ZNF664: variants seen among roughly 807,000 people sequenced by gnomAD.
ZNF664 encodes the protein zinc finger protein 664, also known as zinc finger Organ of Corti 1.
A neutral mutation model predicts 18.2 loss-of-function variants in ZNF664; 10 were observed. The observed-to-expected ratio is 0.55, with a 90% CI of 0.34 to 0.93. ZNF664 has a LOEUF of 0.93. Among genes scored for constraint, ZNF664 ranks in the 40% least tolerant of loss-of-function variants. The pLI is 0.02. For synonymous variants in ZNF664, 119 were observed against 104.2 expected, an observed-to-expected ratio of 1.14 and a Z score of -0.86; for missense variants, 193 against 319.0, an observed-to-expected ratio of 0.61 and a Z score of 3.01.
rs563691168 is a variant in ZNF664, at chr12:124,010,134, A to G, written c.-660-1247A>G. Among the ~76,000 whole-genome samples, 4 of 152,356 alleles carry G rather than the reference A, an allele frequency of 2.6e-5. No individual in the cohort carries two copies. The South Asian group carries it at 8.3e-4, about 32-fold the overall frequency. ...ATATTCTAGAATTATTACTAGGACAAAGGATAGATGCAAACATAATTTTTG... is the reference window on the plus strand; with the variant it reads ...ATATTCTAGAATTATTACTAGGACAGAGGATAGATGCAAACATAATTTTTG... On this transcript the variant is annotated intron_variant, in intron 3 of 4. Transcript: ENST00000337815.
intron 3 of ZNF664, among the ~76,000 whole-genome samples, chr12:124,009,668 TTTTAATTTAA>T (rs908194347): frequency 6.6e-6 from 1 of 151,780 alleles, no homozygotes; most frequent in Non-Finnish European, 1.5e-5. Flanking sequence ...CTGGCTAACT[TTTTAATTTAA>T]TTTAATTTAA....
At chr12:124,010,529 G>A (rs1957123655) in intron 3 of ZNF664, among the ~76,000 whole-genome samples, 1 of 152,144 alleles carries the variant, frequency 6.6e-6, no homozygotes, top group Non-Finnish European at 1.5e-5. Flanking sequence ...CTGGAAATAA[G>A]GCACTAAGAA....
At chr12:123,980,664 G>T (rs1956753707) in intron 2 of ZNF664, among the ~76,000 whole-genome samples, 1 of 151,996 alleles carries the variant, frequency 6.6e-6, no homozygotes, top group African/African-American at 2.4e-5. Context: ...AGGAAATCAG[G>T]ATACACAATT....
At chr12:123,977,709 A>G (rs1358758773) in intron 2 of ZNF664, among the ~76,000 whole-genome samples, 1 of 152,198 alleles carries the variant, frequency 6.6e-6, no homozygotes, top group African/African-American at 2.4e-5. Context: ...ATGAGTAATG[A>G]GGTGAGACAA....
At position 123,973,904 on chromosome 12, in the gene ZNF664, G is replaced by A; in HGVS notation, c.-873G>A. The A allele has an allele frequency of 8.1e-7, 1 of 1,231,896 alleles. No homozygotes were observed. The allele number at this position is 1,231,896 out of a possible 1,614,324, so 76.3% of individuals were successfully genotyped here. ...TTTTCAGGGCGCCCTGCGTCCGGCA[G>A]AGGAGGCGAGCATCCCGCTCAGGTG... On this transcript the variant is annotated 5_prime_UTR_variant, in exon 2 of 5. Coordinates refer to ENST00000337815, the MANE Select transcript of ZNF664 (RefSeq NM_152437.3).
At position 123,974,007 on chromosome 12, in the gene ZNF664, G is replaced by A. The variant is rs114888463; in HGVS notation, c.-770G>A. On this transcript the variant is annotated 5_prime_UTR_variant, in exon 2 of 5. Coordinates refer to ENST00000337815, the MANE Select transcript of ZNF664 (RefSeq NM_152437.3). ...CCATTGTTTGACCACAACAAGGGCC[G>A]GATTCTCACCCAGGTAAACCGGCTG... 836 of 1,231,978 alleles carry A rather than the reference G, an allele frequency of 6.8e-4. 5 individuals are homozygous for A. The African/African-American group carries it at 0.011, about 17-fold the overall frequency. The allele number at this position is 1,231,978 out of a possible 1,614,324, so 76.3% of individuals were successfully genotyped here.
In ZNF664 at chr12:123,974,153, A is replaced by G. The variant is rs78766068; in HGVS notation, c.-757+133A>G. The G allele has an allele frequency of 4.0e-5, 23 of 575,456 alleles. No homozygotes were observed. The East Asian group carries it at 8.0e-4, about 20-fold the overall frequency. 35.6% of individuals were successfully genotyped at this position (575,456 alleles called of 1,614,324 possible). A position where few individuals can be genotyped will look rare whatever the true frequency, so the allele number is the denominator to read the frequency against. On this transcript the variant is annotated intron_variant, in intron 2 of 4. Transcript: ENST00000337815. ...ATGAACTCCGTATACCCCCTCCCAG[A>G]CATTTTCCCGTCCGGATCCATCTCT...
rs1957172171 is a variant in ZNF664 at position 124,014,691 on chromosome 12, C to CTGAAAGTTTGATTTTTCTTTCCATATT, written c.*1766_*1792dup. 1 of 167,084 alleles carries CTGAAAGTTTGATTTTTCTTTCCATATT rather than the reference C, an allele frequency of 6.0e-6. No individual in the cohort carries two copies. The highest frequency in any genetic ancestry group is 1.5e-5 in the Non-Finnish European group (1 of 68,130). The allele number at this position is 167,084 out of a possible 1,614,324, so 10.4% of individuals were successfully genotyped here. A position where few individuals can be genotyped will look rare whatever the true frequency, so the allele number is the denominator to read the frequency against. ...ACTACTCAAGATAGTCACGAAAATA[C>CTGAAAGTTTGATTTTTCTTTCCATATT]TGAAAGTTTGATTTTTCTTTCCATA... On this transcript the variant is annotated 3_prime_UTR_variant, in exon 5 of 5. Coordinates refer to ENST00000337815, the MANE Select transcript of ZNF664 (RefSeq NM_152437.3).
intron 3 of ZNF664, 93 bp downstream of exon 3, chr12:123,988,231 A>C (rs1956847029): frequency 5.1e-6 from 6 of 1,182,412 alleles, no homozygotes; most frequent in African/African-American, 3.2e-5. Context: ...TTTTCTGAGC[A>C]TGTGCCCTTT....
intron 3 of ZNF664, among the ~76,000 whole-genome samples, chr12:124,002,276 A>G (rs980669863): frequency 1.3e-5 from 2 of 152,058 alleles, no homozygotes; most frequent in African/African-American, 4.8e-5. Flanking sequence ...GAGATGAGGG[A>G]GGCTGGTGTG....
At chr12:123,995,108 G>A (rs1195099745) in intron 3 of ZNF664, among the ~76,000 whole-genome samples, 3 of 152,216 alleles carry the variant, frequency 2.0e-5, no homozygotes, top group African/African-American at 7.2e-5. Flanking sequence ...TGCTCAGACA[G>A]TTGAGAGCAT....
intron 2 of ZNF664, among the ~76,000 whole-genome samples, chr12:123,980,270 T>A (rs1263504819): frequency 3.9e-5 from 6 of 152,186 alleles, no homozygotes; most frequent in Non-Finnish European, 2.9e-5. Flanking sequence ...TTTTTTACAA[T>A]GGGCATTTAC....
At chr12:124,010,759 C>A (rs547978691) in intron 3 of ZNF664, among the ~76,000 whole-genome samples, 1 of 152,284 alleles carries the variant, frequency 6.6e-6, no homozygotes, top group African/African-American at 2.4e-5. Flanking sequence ...AATTACAAGT[C>A]CTGTGGGCTT....
Position 124,011,873 on chromosome 12 carries a change from G to A in ZNF664, c.-272G>A, listed in dbSNP as rs181442942. The A allele has an allele frequency of 1.1e-4, 142 of 1,246,928 alleles. No homozygotes were observed. The African/African-American group carries it at 2.2e-3, about 19-fold the overall frequency. The allele number at this position is 1,246,928 out of a possible 1,614,324, so 77.2% of individuals were successfully genotyped here. On this transcript the variant is annotated 5_prime_UTR_variant, in exon 5 of 5. Coordinates refer to ENST00000337815, the MANE Select transcript of ZNF664 (RefSeq NM_152437.3). ...TTGACAACTCAGGATCTAAAACAAAGTTCTGTGTTAATGAGTTACAGAATT... is the reference window on the plus strand; with the variant it reads ...TTGACAACTCAGGATCTAAAACAAAATTCTGTGTTAATGAGTTACAGAATT...
intron 3 of ZNF664, among the ~76,000 whole-genome samples, chr12:123,993,778 A>G (rs1193282174): frequency 4.6e-5 from 7 of 152,184 alleles, no homozygotes; most frequent in Non-Finnish European, 8.8e-5. Flanking sequence ...GAGTTGTTTT[A>G]TCTGCTGAGA....
At chr12:124,007,189 G>A (rs1309968072) in intron 3 of ZNF664, among the ~76,000 whole-genome samples, 1 of 152,334 alleles carries the variant, frequency 6.6e-6, no homozygotes, top group East Asian at 1.9e-4. Context: ...ACCGTGCAGT[G>A]AGACTTACAG....
At chr12:124,007,412 T>TG (rs1014960796) in intron 3 of ZNF664, among the ~76,000 whole-genome samples, 15 of 152,226 alleles carry the variant, frequency 9.9e-5, no homozygotes. Flanking sequence ...ACACCCCTGC[T>TG]GGGGTTAGCT....
At chr12:123,988,383 GGGAT>G (rs1956849165) in intron 3 of ZNF664, among the ~76,000 whole-genome samples, 1 of 151,998 alleles carries the variant, frequency 6.6e-6, no homozygotes, top group African/African-American at 2.4e-5. Flanking sequence ...TTTGTTCCCT[GGGAT>G]CTTCATTTTC....
At chr12:123,980,785 T>G (rs375045006) in intron 2 of ZNF664, among the ~76,000 whole-genome samples, 1 of 152,212 alleles carries the variant, frequency 6.6e-6, no homozygotes, top group African/African-American at 2.4e-5. Flanking sequence ...TTAAGAATTG[T>G]GGAATTCGGT....
Sources: allele counts gnomAD v4.1 joint callset (sites outside exome capture counted in the v4.1 genomes callset), GRCh38; gene constraint gnomAD v4.1.1; transcripts MANE v1.5; gene names NCBI Gene and HGNC (gene_info 2026-07-23, HGNC 2026-07-21).